Variants in RABGAP1L observed in about 807,000 individuals in gnomAD.
RABGAP1L encodes the protein RAB GTPase activating protein 1 like.
A neutral mutation model predicts 137.7 loss-of-function variants in RABGAP1L; 63 were observed. That is an observed-to-expected ratio of 0.46 (90% CI 0.37 to 0.56). The LOEUF (loss-of-function observed/expected upper bound fraction) is 0.56, where lower values mean the gene tolerates loss of function less well. Ranked by LOEUF, RABGAP1L falls within the 20% of genes least tolerant of loss-of-function variation. The pLI, the probability that RABGAP1L is intolerant of heterozygous loss-of-function variation, is 0.00. For synonymous variants in RABGAP1L, 431 were observed against 433.7 expected (o/e 0.99, Z 0.08); for missense variants, 1,095 against 1,244.0 (o/e 0.88, Z 1.80).
At chr1:174,681,740 T>C (rs1678081778) in intron 14 of RABGAP1L, among the ~76,000 whole-genome samples, 1 of 150,336 alleles carries the variant, frequency 6.7e-6, no homozygotes, top group Non-Finnish European at 1.5e-5. Flanking sequence ...AGTTCCAGAC[T>C]CTGTGCTCTG....
At chr1:174,938,244 G>A (rs1665241002) in intron 19 of RABGAP1L, among the ~76,000 whole-genome samples, 2 of 152,194 alleles carry the variant, frequency 1.3e-5, no homozygotes, top group African/African-American at 4.8e-5. Context: ...AGATTTCTCT[G>A]CTAAGGCTTA....
chr1:174,436,819 C>G (rs140213139), intron 13 of RABGAP1L, among the ~76,000 whole-genome samples: 1 of 152,168 alleles, frequency 6.6e-6, no homozygotes, highest in Non-Finnish European at 1.5e-5. Flanking sequence ...GGCAACCCCC[C>G]AGTAGGGGCA....
intron 13 of RABGAP1L, among the ~76,000 whole-genome samples, chr1:174,550,961 CATATATATACAT>C (rs1666443487): frequency 1.3e-5 from 1 of 78,958 alleles, no homozygotes; most frequent in Non-Finnish European, 2.3e-5. Flanking sequence ...TATATATACA[CATATATATACAT>C]GTATATATAC....
At chr1:174,918,141 T>C (rs1244253585) in intron 19 of RABGAP1L, among the ~76,000 whole-genome samples, 2 of 152,064 alleles carry the variant, frequency 1.3e-5, no homozygotes, top group Non-Finnish European at 1.5e-5. Flanking sequence ...GAAGTAATTA[T>C]GTTTTGGAAA....
intron 18 of RABGAP1L, among the ~76,000 whole-genome samples, chr1:174,775,012 C>G (rs967086307): frequency 6.6e-6 from 1 of 152,298 alleles, no homozygotes; most frequent in Admixed American, 6.5e-5. Context: ...CACTCAAGGA[C>G]TCAGGTTCTA....
At chr1:174,908,338 C>T (rs1253740608) in intron 19 of RABGAP1L, among the ~76,000 whole-genome samples, 2 of 152,132 alleles carry the variant, frequency 1.3e-5, no homozygotes, top group Non-Finnish European at 2.9e-5. Flanking sequence ...CCAACTGCTG[C>T]AGAATACACA....
chr1:174,753,551 A>AT (rs1010399374), intron 18 of RABGAP1L, among the ~76,000 whole-genome samples: 1 of 152,170 alleles, frequency 6.6e-6, no homozygotes, highest in African/African-American at 2.4e-5. Flanking sequence ...GTGTTTATAT[A>AT]TTTTTTATGC....
chr1:174,957,252 T>A (rs1668627506), intron 19 of RABGAP1L, among the ~76,000 whole-genome samples: 1 of 152,228 alleles, frequency 6.6e-6, no homozygotes, highest in Non-Finnish European at 1.5e-5. Context: ...ACTTAGACTA[T>A]ATGGCCCACA....
intron 11 of RABGAP1L, among the ~76,000 whole-genome samples, chr1:174,354,189 C>G (rs72713537): frequency 6.6e-6 from 1 of 151,634 alleles, no homozygotes; most frequent in Non-Finnish European, 1.5e-5. Context: ...CCATTAGTTA[C>G]GTTTGAGCTA....
intron 11 of RABGAP1L, among the ~76,000 whole-genome samples, chr1:174,339,263 G>A (rs1436286238): frequency 2.0e-5 from 3 of 152,022 alleles, no homozygotes; most frequent in African/African-American, 4.8e-5. Flanking sequence ...TTCATAGATT[G>A]ACTTTGTTCT....
At chr1:174,554,450 A>T (rs967316468) in intron 13 of RABGAP1L, among the ~76,000 whole-genome samples, 2 of 152,188 alleles carry the variant, frequency 1.3e-5, no homozygotes, top group African/African-American at 4.8e-5. Context: ...GAGTTAAAAT[A>T]ATCTTAGTGT....
intron 13 of RABGAP1L, among the ~76,000 whole-genome samples, chr1:174,568,880 T>A (rs192055761): frequency 1.3e-5 from 2 of 152,306 alleles, no homozygotes; most frequent in East Asian, 3.9e-4. Context: ...ATACAATTTT[T>A]AACAGTTAGA....
chr1:174,881,350 T>G (rs1490722219), intron 19 of RABGAP1L, among the ~76,000 whole-genome samples: 1 of 152,094 alleles, frequency 6.6e-6, no homozygotes, highest in African/African-American at 2.4e-5. Context: ...AATGCAGATC[T>G]TGGGGTATTA....
chr1:174,803,049 A>T (rs575533053), intron 18 of RABGAP1L, among the ~76,000 whole-genome samples: 2 of 152,172 alleles, frequency 1.3e-5, no homozygotes, highest in Admixed American at 1.3e-4. Flanking sequence ...TACTTTTAAG[A>T]TCCCATTATT....
At position 174,254,644 on chromosome 1, in the gene RABGAP1L, A is replaced by G. The variant is rs1242290483; in HGVS notation, c.986+2054A>G. On this transcript the variant is annotated intron_variant, in intron 7 of 25. Coordinates refer to ENST00000681986, the MANE Select transcript of RABGAP1L (RefSeq NM_001366446.1). ...AGAATGATGGTTTCCAGCTTCATCT[A>G]TGTCCCTGCAAAGGACATGAACTCA... Among the ~76,000 whole-genome samples, 5 of 152,128 alleles carry G rather than the reference A, an allele frequency of 3.3e-5. No individual in the cohort carries two copies. In the South Asian group the frequency reaches 8.3e-4, roughly 25 times the overall value.
intron 22 of RABGAP1L, among the ~76,000 whole-genome samples, chr1:174,977,671 C>G (rs2149380233): frequency 6.6e-6 from 1 of 152,278 alleles, no homozygotes; most frequent in African/African-American, 2.4e-5. Flanking sequence ...GATGAGGAAA[C>G]TATGGCTTAG....
At chr1:174,201,000 C>T (rs559481821) in intron 1 of RABGAP1L, among the ~76,000 whole-genome samples, 3 of 152,274 alleles carry the variant, frequency 2.0e-5, no homozygotes, top group African/African-American at 7.2e-5. Flanking sequence ...CCAGGGCCGT[C>T]GTTTTACATG....
chr1:174,924,204 T>C (rs1662299934), intron 19 of RABGAP1L, among the ~76,000 whole-genome samples: 1 of 151,826 alleles, frequency 6.6e-6, no homozygotes, highest in African/African-American at 2.4e-5. Context: ...CTGGCCAACA[T>C]GGTGAAACCA....
At chr1:174,557,796 C>T (rs1346908342) in intron 13 of RABGAP1L, among the ~76,000 whole-genome samples, 1 of 152,182 alleles carries the variant, frequency 6.6e-6, no homozygotes. Context: ...TCAGGATATA[C>T]ATTGGAAAAG....
Sources: allele counts gnomAD v4.1 joint callset (sites outside exome capture counted in the v4.1 genomes callset), GRCh38; gene constraint gnomAD v4.1.1; transcripts MANE v1.5; gene names NCBI Gene and HGNC (gene_info 2026-07-23, HGNC 2026-07-21).